Variants in SCRN3 observed in about 807,000 individuals in gnomAD.
SCRN3 encodes the protein secernin 3.
SCRN3 carries 39 observed loss-of-function variants against 43.1 expected under a neutral mutation model. The ratio of observed to expected loss-of-function variants is 0.91; its 90% CI spans 0.70 to 1.18. The LOEUF (loss-of-function observed/expected upper bound fraction) is 1.18. SCRN3 is among the 50% of genes most tolerant of loss of function. SCRN3 has a pLI of 0.00. For synonymous variants in SCRN3, 147 were observed against 163.1 expected (o/e 0.90, Z 0.75); for missense variants, 484 against 498.0 (o/e 0.97, Z 0.27).
Position 174,398,374 on chromosome 2 carries a change from T to C in SCRN3, c.91T>C (p.Tyr31His). ...IIFGKNSDRL[Y>H]DEVQEVVYFP... ...TTTTGGAAAAAATTCAGATAGACTC[T>C]ATGATGAAGTACAAGAGGTGGTTTA... The change falls in exon 2 of 8, where the codon TAT (tyrosine) becomes CAT (histidine). Residue 31 changes from tyrosine to histidine, a missense_variant. By Grantham distance (83) the Tyr-to-His change is moderately conservative. Transcript: ENST00000272732. 6.2e-7 allele frequency: 1 copy of C among 1,609,296 alleles called. No homozygotes were observed. Among genetic ancestry groups the C allele is most frequent in the Non-Finnish European group, 8.5e-7 (1 of 1,178,370 alleles).
At position 174,423,019 on chromosome 2, in the gene SCRN3, T is replaced by G. The variant is rs1339646750; in HGVS notation, c.889T>G (p.Phe297Val). The G allele has an allele frequency of 6.2e-7, 1 of 1,613,372 alleles. No homozygotes were observed. The highest frequency in any genetic ancestry group is 8.5e-7 in the Non-Finnish European group (1 of 1,179,598). ...PQDSSLPCIH[F>V]FTGTPDPERS... ...AGACTCCAGCCTTCCTTGCATTCAC[T>G]TCTTTACAGGGACTCCTGATCCTGA... is the stretch of plus-strand genomic sequence containing the variant. The change falls in exon 6 of 8, where the codon TTC (phenylalanine) becomes GTC (valine). Residue 297 changes from phenylalanine (F) to valine (V), a missense_variant. Physicochemically the swap from Phe to Val is conservative, Grantham distance 50. Transcript: ENST00000272732.
At chr2:174,412,466 A>AT (rs1395019583) in intron 5 of SCRN3, among the ~76,000 whole-genome samples, 1 of 151,718 alleles carries the variant, frequency 6.6e-6, no homozygotes, top group Non-Finnish European at 1.5e-5. Flanking sequence ...GCTGGGAGGC[A>AT]TCTAAAACTC....
At chr2:174,423,748 C>A (rs1193063978) in intron 6 of SCRN3, among the ~76,000 whole-genome samples, 1 of 145,024 alleles carries the variant, frequency 6.9e-6, no homozygotes, top group East Asian at 2.1e-4. Flanking sequence ...GGATTACAGG[C>A]GTGAGCCACC....
At chr2:174,404,509 G>C (rs1685623029) in intron 5 of SCRN3, among the ~76,000 whole-genome samples, 194 bp downstream of exon 5, 1 of 148,674 alleles carries the variant, frequency 6.7e-6, no homozygotes, top group Middle Eastern at 3.4e-3. Flanking sequence ...ACATTGTGCA[G>C]GTTAGTTACA....
At chr2:174,405,558 C>G (rs1003740943) in intron 5 of SCRN3, among the ~76,000 whole-genome samples, 3 of 137,258 alleles carry the variant, frequency 2.2e-5, no homozygotes, top group South Asian at 2.3e-4. Flanking sequence ...ATGGTAATGC[C>G]TAGGTTTTCT....
intron 5 of SCRN3, among the ~76,000 whole-genome samples, chr2:174,417,840 T>C (rs893763997): frequency 6.6e-6 from 1 of 152,228 alleles, no homozygotes; most frequent in Non-Finnish European, 1.5e-5. Context: ...CCTAATTCAT[T>C]ATGTTGTGTG....
chr2:174,421,089 T>C (rs903840578), intron 5 of SCRN3, among the ~76,000 whole-genome samples: 1 of 152,044 alleles, frequency 6.6e-6, no homozygotes, highest in African/African-American at 2.4e-5. Flanking sequence ...AAAAAAAATA[T>C]CTTCAAGGAA....
intron 5 of SCRN3, among the ~76,000 whole-genome samples, chr2:174,406,549 A>C (rs28798535): frequency 6.6e-6 from 1 of 150,458 alleles, no homozygotes; most frequent in East Asian, 2.0e-4. Context: ...TTTTCAAAGG[A>C]AATGCTTCCA....
In SCRN3 at chr2:174,400,023, A is replaced by C. The variant is rs1685452553; in HGVS notation, c.261A>C (p.Gly87=). The part of the protein sequence containing the change: ...WGAEMGANEH[G]VCIGNEAVWG... ...CAGAAATGGGAGCCAATGAGCATGG[A>C]GTTTGCATTGGGAATGAAGCTGTAT... Residue 87 remains glycine (G), a synonymous_variant, in exon 3 of 8, where the codon GGA becomes GGC. Coordinates refer to ENST00000272732, the MANE Select transcript of SCRN3 (RefSeq NM_024583.5). The C allele has an allele frequency of 6.2e-7, 1 of 1,601,170 alleles. No homozygotes were observed. Among genetic ancestry groups the C allele is most frequent in the Non-Finnish European group, 8.5e-7 (1 of 1,175,142 alleles).
chr2:174,426,058 C>T (rs939875679), intron 7 of SCRN3, among the ~76,000 whole-genome samples: 5 of 152,058 alleles, frequency 3.3e-5, no homozygotes, highest in South Asian at 2.1e-4. Flanking sequence ...TGTAATAAGG[C>T]GGAATTTTAT....
At chr2:174,399,756 GT>G (rs1685437637) in intron 2 of SCRN3, among the ~76,000 whole-genome samples, 165 bp from the exon 3 acceptor site, 5 of 152,136 alleles carry the variant, frequency 3.3e-5, no homozygotes, top group Non-Finnish European at 7.4e-5. Flanking sequence ...TTCTGAATAT[GT>G]TTTAAGGGTA....
At chr2:174,406,165 G>A (rs1316994049) in intron 5 of SCRN3, among the ~76,000 whole-genome samples, 1 of 135,704 alleles carries the variant, frequency 7.4e-6, no homozygotes, top group African/African-American at 2.5e-5. Flanking sequence ...CCTTGAAGAG[G>A]TCCTTCACAT....
At chr2:174,401,636 G>C (rs1404437400) in intron 4 of SCRN3, among the ~76,000 whole-genome samples, 1 of 152,086 alleles carries the variant, frequency 6.6e-6, no homozygotes, top group Non-Finnish European at 1.5e-5. Context: ...ACAAAAGTTT[G>C]ATATCTTTGA....
At chr2:174,399,590 A>G (rs549251070) in intron 2 of SCRN3, among the ~76,000 whole-genome samples, 107 of 152,248 alleles carry the variant, frequency 7.0e-4, no homozygotes, top group South Asian at 6.2e-3. Context: ...TGACCCTAAT[A>G]CTTTATACTT....
At chr2:174,398,545 G>T in intron 2 of SCRN3, 103 bp downstream of exon 2, 1 of 981,600 alleles carries the variant, frequency 1.0e-6, no homozygotes, top group Non-Finnish European at 1.5e-6. Context: ...TTAAAATTGA[G>T]GAGTTTACAT....
chr2:174,427,450 G>A (rs1442439509), intron 7 of SCRN3, among the ~76,000 whole-genome samples: 2 of 151,870 alleles, frequency 1.3e-5, no homozygotes, highest in African/African-American at 4.8e-5. Context: ...TTGTCTTTTA[G>A]GTTTTTTACT....
At chr2:174,406,287 G>C (rs1400247086) in intron 5 of SCRN3, among the ~76,000 whole-genome samples, 3 of 141,064 alleles carry the variant, frequency 2.1e-5, no homozygotes, top group African/African-American at 7.4e-5. Flanking sequence ...AGGAATGCTT[G>C]TGATTTGTGC....
At chr2:174,404,506 G>A (rs906877490) in intron 5 of SCRN3, among the ~76,000 whole-genome samples, 191 bp downstream of exon 5, 3 of 148,426 alleles carry the variant, frequency 2.0e-5, no homozygotes, top group African/African-American at 5.0e-5. Context: ...TGCACATTGT[G>A]CAGGTTAGTT....
chr2:174,426,242 C>A (rs1686476953), intron 7 of SCRN3, among the ~76,000 whole-genome samples: 2 of 152,050 alleles, frequency 1.3e-5, no homozygotes, highest in Admixed American at 1.3e-4. Flanking sequence ...AAATTTAGTT[C>A]TTTAGTCCAT....
Sources: gnomAD v4.1 joint callset for allele counts (sites outside exome capture counted in the v4.1 genomes callset) on GRCh38, gnomAD v4.1.1 for gene constraint, MANE v1.5 for transcripts, NCBI Gene and HGNC (gene_info 2026-07-23, HGNC 2026-07-21) for gene names.